RPS13: variants seen among roughly 807,000 people sequenced by gnomAD.
RPS13 encodes ribosomal protein S13.
RPS13 carries 1 observed loss-of-function variant against 24.6 expected under a neutral mutation model. The observed-to-expected ratio is 0.04, with a 90% CI of 0.01 to 0.19. RPS13 has a LOEUF of 0.19. Among genes scored for constraint, RPS13 ranks in the 10% least tolerant of loss-of-function variants. The pLI, the probability that RPS13 is intolerant of heterozygous loss-of-function variation, is 1.00. For synonymous variants in RPS13, 69 were observed against 65.3 expected (o/e 1.06, Z -0.27); for missense variants, 88 against 187.4 (o/e 0.47, Z 3.10).
chr11:17,074,752 A>G (rs1234985525), intron 5 of RPS13: 5 of 670,974 alleles, frequency 7.5e-6, no homozygotes. Flanking sequence ...TGAGCAATTC[A>G]TGTGAAAATT....
At chr11:17,075,276 G>C (rs2137237096) in intron 4 of RPS13, 79 bp from the exon 5 acceptor site, 1 of 1,085,382 alleles carries the variant, frequency 9.2e-7, no homozygotes, top group East Asian at 2.4e-5. Context: ...AGAGAATGTA[G>C]AGCTACCATG....
At chr11:17,075,363 T>C (rs1848010408) in intron 4 of RPS13, 91 bp downstream of exon 4, 3 of 1,129,148 alleles carry the variant, frequency 2.7e-6, no homozygotes, top group South Asian at 1.5e-5. Context: ...GTACTAAGCC[T>C]TGGATAATTC....
chr11:17,075,188 C>T lies in RPS13; in HGVS notation c.331G>A (p.Ala111Thr). 1 of 1,589,116 alleles carries T rather than the reference C, an allele frequency of 6.3e-7. No homozygotes were observed. Among genetic ancestry groups the T allele is most frequent in the Non-Finnish European group, 8.5e-7 (1 of 1,171,810 alleles). ...TCTATTAGAATCAGACGGAATTTAG[C>T]ATCCTTATCCTAAAAATAAAATTTG... ...HLERNRKDKDAKFRLILIESR... is the reference protein window; with the variant it reads ...HLERNRKDKDTKFRLILIESR... The change falls in exon 5 of 6, where the codon GCT (alanine) becomes ACT (threonine). Residue 111 changes from alanine (A) to threonine (T), a missense_variant. Coordinates refer to ENST00000525634, the MANE Select transcript of RPS13 (RefSeq NM_001017.3).
At chr11:17,077,361 C>G in intron 2 of RPS13, 68 bp downstream of exon 2, 2 of 1,586,804 alleles carry the variant, frequency 1.3e-6, no homozygotes, top group South Asian at 2.2e-5. Flanking sequence ...CTCACCCTGG[C>G]GTCGCTTCAC....
intron 3 of RPS13, 68 bp downstream of exon 3, chr11:17,077,100 C>A: frequency 8.4e-7 from 1 of 1,196,722 alleles, no homozygotes; most frequent in Non-Finnish European, 1.2e-6. Context: ...AATAACTTTA[C>A]CACCTACTAG....
At chr11:17,077,060 T>C in intron 3 of RPS13, 108 bp downstream of exon 3, 1 of 791,032 alleles carries the variant, frequency 1.3e-6, no homozygotes, top group South Asian at 1.5e-5. Context: ...TCTAGCACGG[T>C]GGCGAGACCA....
rs184345115 is a variant in RPS13 at position 17,074,949 on chromosome 11, C to A, written c.422+148G>T. ...CTGTGGCTGCTTTCCCACTACCAGGCCAGAGCTCAAAGAGCAGTTAACAAA... is the reference window on the plus strand; with the variant it reads ...CTGTGGCTGCTTTCCCACTACCAGGACAGAGCTCAAAGAGCAGTTAACAAA... On this transcript the variant is annotated intron_variant, in intron 5 of 5. Transcript: ENST00000525634. 2.1e-4 allele frequency: 131 copies of A among 629,822 alleles called. No homozygotes were observed. In the African/African-American group the frequency reaches 2.3e-3, roughly 11 times the overall value. The allele number at this position is 629,822 out of a possible 1,614,324, so 39.0% of individuals were successfully genotyped here.
intron 3 of RPS13, 129 bp downstream of exon 3, chr11:17,077,039 A>G (rs1409617271): frequency 1.4e-6 from 1 of 695,866 alleles, no homozygotes; most frequent in African/African-American, 1.8e-5. Flanking sequence ...TGAAGTGCTT[A>G]CAATGATGCC....
intron 2 of RPS13, 38 bp downstream of exon 2, chr11:17,077,391 C>T (rs571971219): frequency 3.6e-5 from 57 of 1,598,296 alleles, no homozygotes; most frequent in Non-Finnish European, 4.6e-5. Flanking sequence ...ATGCCAACCC[C>T]CTCCCCGGAT....
intron 3 of RPS13, 134 bp downstream of exon 3, chr11:17,077,034 T>C: frequency 2.9e-6 from 2 of 680,388 alleles, no homozygotes; most frequent in Non-Finnish European, 5.3e-6. Flanking sequence ...ACATGTGAAG[T>C]GCTTACAATG....
rs534946935 is a variant in RPS13, at chr11:17,075,106, T to C, written c.413A>G (p.Asn138Ser). 14 of 1,604,022 alleles carry C rather than the reference T, an allele frequency of 8.7e-6. No homozygotes were observed. The highest frequency in any genetic ancestry group is 2.2e-5 in the East Asian group (1 of 44,804). ...YYKTKRVLPPNWKYESSTASA... is the reference protein window; with the variant it reads ...YYKTKRVLPPSWKYESSTASA... ...AAGAGTTGATACTTACTATTTCCAA[T>C]TGGGAGGGAGGACTCGCTTGGTCTT... Residue 138 changes from asparagine (N) to serine (S), a missense_variant, in exon 5 of 6, where the codon AAT becomes AGT. Transcript: ENST00000525634.
chr11:17,077,220 C>T lies in RPS13; in HGVS notation c.99G>A (p.Val33=). 6.2e-7 allele frequency: 1 copy of T among 1,613,968 alleles called. No homozygotes were observed. Among genetic ancestry groups the T allele is most frequent in the Non-Finnish European group, 8.5e-7 (1 of 1,179,900 alleles). The change falls in exon 3 of 6, where the codon GTG becomes GTA. Residue 33 remains valine, a synonymous_variant. Transcript: ENST00000525634. ...PTWLKLTSDD[V]KEQIYKLAKK... ...TGGCCAGTTTGTAAATCTGCTCCTT[C>T]ACGTCGTCAGATGTCAACTTCAACC...
chr11:17,075,463 C>T lies in RPS13; in HGVS notation c.312G>A (p.Arg104=). Residue 104 remains arginine, a synonymous_variant, in exon 4 of 6, where the codon AGG becomes AGA. Coordinates refer to ENST00000525634, the MANE Select transcript of RPS13 (RefSeq NM_001017.3). ...TTATTTATTAGCTTACCTTTCTGTT[C>T]CTCTCAAGATGCTTTCGAACAGCAA... ...KAVAVRKHLE[R]NRKDKDAKFR... 3 of 1,566,846 alleles carry T rather than the reference C, an allele frequency of 1.9e-6. No homozygotes were observed. The highest frequency in any genetic ancestry group is 2.6e-6 in the Non-Finnish European group (3 of 1,162,156).
intron 2 of RPS13, 84 bp downstream of exon 2, chr11:17,077,345 A>T: frequency 6.3e-7 from 1 of 1,581,126 alleles, no homozygotes; most frequent in East Asian, 2.3e-5. Context: ...TCATACACGC[A>T]AGTTCCTCAC....
intron 5 of RPS13, 21 bp downstream of exon 5, chr11:17,075,076 G>A (rs759334677): frequency 4.6e-6 from 7 of 1,516,780 alleles, no homozygotes; most frequent in Non-Finnish European, 6.3e-6. Context: ...TGATAACAAC[G>A]ACAAAAGAGT....
In RPS13 at chr11:17,074,436, T is replaced by C; in HGVS notation, c.453A>G (p.Ala151=). 6.2e-7 allele frequency: 1 copy of C among 1,611,454 alleles called. No homozygotes were observed. The highest frequency in any genetic ancestry group is 8.5e-7 in the Non-Finnish European group (1 of 1,177,652). ...TTGCTTGAGTACACAGACAAATTTA[T>C]GCGACCAGGGCAGAGGCTGTAGATG... is the stretch of plus-strand genomic sequence containing the variant. ...YESSTASALV[A] is the part of the protein sequence containing the mutation. The change falls in exon 6 of 6, where the codon GCA becomes GCG. Residue 151 remains alanine (A), a synonymous_variant. Transcript: ENST00000525634.
chr11:17,075,241 G>T, intron 4 of RPS13, 44 bp from the exon 5 acceptor site: 1 of 1,346,834 alleles, frequency 7.4e-7, no homozygotes, highest in South Asian at 1.3e-5. Flanking sequence ...CACCCAAAAT[G>T]ACCTAACATT....
intron 3 of RPS13, 198 bp from the exon 4 acceptor site, chr11:17,075,821 A>C: frequency 1.5e-6 from 1 of 676,950 alleles, no homozygotes; most frequent in Non-Finnish European, 2.7e-6. Flanking sequence ...ACTAAGGAAA[A>C]CCTTTCTGGT....
intron 3 of RPS13, chr11:17,076,815 C>T (rs565276131): frequency 1.9e-4 from 71 of 376,402 alleles, no homozygotes; most frequent in Non-Finnish European, 1.4e-4. Context: ...CGAAGTCACA[C>T]GCAGCTGAGA....
Sources: gnomAD v4.1 joint callset for allele counts on GRCh38, gnomAD v4.1.1 for gene constraint, MANE v1.5 for transcripts, NCBI Gene and HGNC (gene_info 2026-07-23, HGNC 2026-07-21) for gene names.